GNB4: variants seen among roughly 807,000 people sequenced by gnomAD.
The protein encoded by GNB4 is G protein subunit beta 4.
In GNB4, 28 loss-of-function variants were observed where a neutral mutation model predicts 45.2. The ratio of observed to expected loss-of-function variants is 0.62; its 90% confidence interval spans 0.46 to 0.85. The LOEUF (loss-of-function observed/expected upper bound fraction) is 0.85, where lower values mean the gene tolerates loss of function less well. Among genes scored for constraint, GNB4 ranks in the 40% least tolerant of loss-of-function variants. GNB4 has a pLI of 0.00. For missense variants in GNB4, 321 were observed against 425.4 expected, an observed-to-expected ratio of 0.75 and a Z score of 2.16; for synonymous variants, 132 against 143.7, an observed-to-expected ratio of 0.92 and a Z score of 0.58.
At chr3:179,472,700 T>C in the GNB4 span, among the ~76,000 whole-genome samples, 1 of 152,126 alleles carries the variant, frequency 6.6e-6, no homozygotes, top group African/African-American at 2.4e-5. Context: ...AAAGAAAACG[T>C]TTAAGTAACA....
intron 9 of GNB4, among the ~76,000 whole-genome samples, chr3:179,404,341 TAG>T (rs1714399681): frequency 6.6e-6 from 1 of 152,172 alleles, no homozygotes; most frequent in African/African-American, 2.4e-5. Context: ...TCCATGATAA[TAG>T]GTCAACAACA....
intron 1 of GNB4, among the ~76,000 whole-genome samples, chr3:179,440,455 G>A (rs947022724): frequency 2.6e-5 from 4 of 152,120 alleles, no homozygotes; most frequent in African/African-American, 9.7e-5. Flanking sequence ...AGTGTTTCAT[G>A]TATTTTGGGA....
the GNB4 span, among the ~76,000 whole-genome samples, chr3:179,510,137 T>A: frequency 5.3e-5 from 8 of 152,100 alleles, no homozygotes; most frequent in Non-Finnish European, 8.8e-5. Flanking sequence ...GGCTTCTTTT[T>A]TTTTTACAAA....
At chr3:179,497,847 T>A in the GNB4 span, among the ~76,000 whole-genome samples, 1 of 152,134 alleles carries the variant, frequency 6.6e-6, no homozygotes, top group Non-Finnish European at 1.5e-5. Context: ...CACAATAAGA[T>A]ATCATCTCAC....
chr3:179,450,014 C>T (rs1234969343), intron 1 of GNB4, among the ~76,000 whole-genome samples: 1 of 152,148 alleles, frequency 6.6e-6, no homozygotes, highest in African/African-American at 2.4e-5. Context: ...TATGGGCCCA[C>T]AAAGAGTTGA....
At chr3:179,518,692 T>C in the GNB4 span, among the ~76,000 whole-genome samples, 3 of 152,288 alleles carry the variant, frequency 2.0e-5, no homozygotes, top group African/African-American at 4.8e-5. Context: ...AAAGGCATAG[T>C]CAAGGTTAAT....
In GNB4 at chr3:179,400,412, T is replaced by C. The variant is rs1714257165; in HGVS notation, c.*801A>G. 1 of 152,166 alleles carries C rather than the reference T, an allele frequency of 6.6e-6. No homozygotes were observed. The highest frequency in any genetic ancestry group is 1.5e-5 in the Non-Finnish European group (1 of 68,020). 9.4% of individuals were successfully genotyped at this position (152,166 alleles called of 1,614,324 possible). A position where few individuals can be genotyped will look rare whatever the true frequency, so the allele number is the denominator to read the frequency against. ...TACAAACTTAGTTCCAAATATGAAA[T>C]GAAAAGGAAAGTCCAGCTATTTAGG... On this transcript the variant is annotated 3_prime_UTR_variant, in exon 10 of 10. Coordinates refer to ENST00000232564, the MANE Select transcript of GNB4 (RefSeq NM_021629.4).
the GNB4 span, among the ~76,000 whole-genome samples, chr3:179,470,817 G>T: frequency 1.3e-5 from 2 of 152,058 alleles, no homozygotes; most frequent in Non-Finnish European, 2.9e-5. Context: ...GTGTGTCTGC[G>T]TTTTAAGCTA....
At chr3:179,471,772 G>A in the GNB4 span, among the ~76,000 whole-genome samples, 4 of 152,136 alleles carry the variant, frequency 2.6e-5, no homozygotes, top group African/African-American at 2.4e-5. Context: ...TATGGGATGC[G>A]CATGTAAAAA....
At chr3:179,441,303 T>C (rs1379679331) in intron 1 of GNB4, among the ~76,000 whole-genome samples, 1 of 152,220 alleles carries the variant, frequency 6.6e-6, no homozygotes, top group Non-Finnish European at 1.5e-5. Context: ...TTGCCTACCA[T>C]ACACCTAGGC....
chr3:179,419,429 AT>A lies in GNB4; in HGVS notation c.172del (p.Ile58SerfsTer13). 1 of 1,612,100 alleles carries A rather than the reference AT, an allele frequency of 6.2e-7. No individual in the cohort carries two copies. On this transcript the variant is annotated frameshift_variant, in exon 4 of 10. Transcript: ENST00000232564. LOFTEE classifies it high-confidence loss of function. ...RRTLRGHLAK[I>X]YAMHWGYDSR... Reference sequence around the variant, plus strand: ...ATCGTATCCCCAATGCATAGCATAGATTTTAGCTAGGTGGCCCCTCAGTGTA... The same window carrying A: ...ATCGTATCCCCAATGCATAGCATAGATTTAGCTAGGTGGCCCCTCAGTGTA...
the GNB4 span, among the ~76,000 whole-genome samples, chr3:179,524,980 G>A: frequency 2.0e-5 from 3 of 152,072 alleles, no homozygotes; most frequent in Non-Finnish European, 4.4e-5. Context: ...GACCTGGCTC[G>A]GCCTGGCGAG....
chr3:179,444,374 GT>G (rs1007912373), intron 1 of GNB4, among the ~76,000 whole-genome samples: 1 of 148,356 alleles, frequency 6.7e-6, no homozygotes, highest in African/African-American at 2.5e-5. Context: ...TAATTACTAA[GT>G]TTTTTGTTTT....
chr3:179,445,023 G>A lies in GNB4; in HGVS notation c.-43+6323C>T, dbSNP rs374029689. 1.8e-3 allele frequency among the ~76,000 whole-genome samples: 267 copies of A among 151,770 alleles called. 6 individuals are homozygous for A. In the South Asian group the frequency reaches 0.052, roughly 29 times the overall value. Reference sequence around the variant, plus strand: ...AAAAAATGAGTCAAGCCATTGCTAAGTGTTGCCATTAAAAAAAAAAATTAA... The same window carrying A: ...AAAAAATGAGTCAAGCCATTGCTAAATGTTGCCATTAAAAAAAAAAATTAA... On this transcript the variant is annotated intron_variant, in intron 1 of 9. Coordinates refer to ENST00000232564, the MANE Select transcript of GNB4 (RefSeq NM_021629.4).
At chr3:179,410,912 T>C (rs756729118) in intron 8 of GNB4, among the ~76,000 whole-genome samples, 5 of 152,204 alleles carry the variant, frequency 3.3e-5, no homozygotes, top group Non-Finnish European at 5.9e-5. Flanking sequence ...GTAGATGATA[T>C]AGATAAAATC....
chr3:179,502,973 A>G, the GNB4 span, among the ~76,000 whole-genome samples: 1 of 152,154 alleles, frequency 6.6e-6, no homozygotes, highest in Admixed American at 6.5e-5. Context: ...CCAAGTAGCT[A>G]GGACTATAGG....
intron 1 of GNB4, among the ~76,000 whole-genome samples, chr3:179,434,078 G>A (rs532449351): frequency 1.1e-4 from 17 of 152,298 alleles, no homozygotes; most frequent in African/African-American, 3.6e-4. Flanking sequence ...CAAAGGTGAC[G>A]ACACGTATCT....
At chr3:179,421,063 A>G in intron 2 of GNB4, 136 bp from the exon 3 acceptor site, 1 of 601,316 alleles carries the variant, frequency 1.7e-6, no homozygotes. Flanking sequence ...AATTGATATA[A>G]AAATCACATA....
At chr3:179,480,509 C>T in the GNB4 span, among the ~76,000 whole-genome samples, 1 of 152,028 alleles carries the variant, frequency 6.6e-6, no homozygotes, top group Admixed American at 6.6e-5. Context: ...TTCTCAAGGT[C>T]CTGGCTTTTT....
Sources: gnomAD v4.1 joint callset for allele counts (sites outside exome capture counted in the v4.1 genomes callset) on GRCh38, gnomAD v4.1.1 for gene constraint, MANE v1.5 for transcripts, NCBI Gene and HGNC (gene_info 2026-07-23, HGNC 2026-07-21) for gene names.